Variants in MYH11 observed in about 807,000 individuals in gnomAD.
MYH11 encodes myosin heavy chain 11.
A neutral mutation model predicts 246.6 loss-of-function variants in MYH11; 80 were observed. That is an observed-to-expected ratio of 0.32 (90% CI 0.27 to 0.39). The LOEUF is 0.39. Ranked by LOEUF, MYH11 falls within the 10% of genes least tolerant of loss-of-function variation. MYH11 has a pLI of 1.00. For synonymous variants in MYH11, 1,071 were observed against 1,015.5 expected, an observed-to-expected ratio of 1.05 and a Z score of -1.04; for missense variants, 2,158 against 2,546.8, an observed-to-expected ratio of 0.85 and a Z score of 3.29.
intron 22 of MYH11, 34 bp from the exon 23 acceptor site, chr16:15,740,222 G>C: frequency 6.2e-7 from 1 of 1,613,738 alleles, no homozygotes; most frequent in Non-Finnish European, 8.5e-7. Flanking sequence ...AACAGCTTTG[G>C]TTATAACAGA....
chr16:15,812,435 G>A lies in MYH11; in HGVS notation c.502+10820C>T, dbSNP rs993495428. On this transcript the variant is annotated intron_variant, in intron 3 of 40. Transcript: ENST00000300036. ...CATCATGGGAAAAATAGCAACTTTA[G>A]GCTGGGCACGGTGGCTCATACCCAT... is the stretch of plus-strand genomic sequence containing the variant. Among the ~76,000 whole-genome samples, 6 of 151,202 alleles carry A rather than the reference G, an allele frequency of 4.0e-5. No homozygotes were observed. The Admixed American group carries it at 4.0e-4, about 10-fold the overall frequency.
At chr16:15,753,320 T>G in intron 15 of MYH11, 74 bp downstream of exon 15, 40 of 1,328,690 alleles carry the variant, frequency 3.0e-5, no homozygotes, top group Non-Finnish European at 4.3e-5. Flanking sequence ...GGGGCAGGTG[T>G]GAGAGTCGGG....
intron 27 of MYH11, among the ~76,000 whole-genome samples, chr16:15,731,269 A>G (rs548557491): frequency 2.0e-5 from 3 of 152,304 alleles, no homozygotes; most frequent in Admixed American, 2.0e-4. Flanking sequence ...ATAGGCCTTC[A>G]GTCCTGTAGA....
chr16:15,728,552 C>CTTA (rs927017856), intron 27 of MYH11, among the ~76,000 whole-genome samples: 39 of 151,944 alleles, frequency 2.6e-4, no homozygotes, highest in Non-Finnish European at 8.8e-5. Flanking sequence ...TTAAGGGAAA[C>CTTA]TTATTTTATG....
intron 10 of MYH11, among the ~76,000 whole-genome samples, chr16:15,760,897 G>T (rs1321299824): frequency 2.0e-5 from 3 of 152,126 alleles, no homozygotes; most frequent in Non-Finnish European, 4.4e-5. Context: ...CCAGTTGGGG[G>T]TTTAGGGTCA....
At chr16:15,744,998 G>T (rs1340364824) in intron 20 of MYH11, 131 bp downstream of exon 20, 2 of 744,430 alleles carry the variant, frequency 2.7e-6, no homozygotes, top group African/African-American at 1.7e-5. Context: ...AACCGCCAAT[G>T]CTCAAGGTCT....
At chr16:15,842,473 A>T (rs2044078092) in intron 1 of MYH11, among the ~76,000 whole-genome samples, 1 of 152,046 alleles carries the variant, frequency 6.6e-6, no homozygotes, top group African/African-American at 2.4e-5. Context: ...GATGAAAAAA[A>T]AGTGGCGGCT....
intron 27 of MYH11, among the ~76,000 whole-genome samples, chr16:15,728,627 C>T (rs9302518): frequency 0.072 from 10,973 of 152,100 alleles, 956 homozygotes; most frequent in African/African-American, 0.21. Context: ...GGGCCAGGCG[C>T]GGTGGCTCAG....
Position 15,771,573 on chromosome 16 carries a change from C to G in MYH11, c.1029G>C (p.Gln343His). 6.2e-7 allele frequency: 1 copy of G among 1,613,598 alleles called. No individual in the cohort carries two copies. The highest frequency in any genetic ancestry group is 8.5e-7 in the Non-Finnish European group (1 of 1,179,990). The stretch of plus-strand genomic sequence containing the variant: ...GACTCAAGGTGTGAGGCTTACATAG[C>G]TGCTCCTCCTCGCTGAAACCCATGA... ...MAIMGFSEEE[Q>H]LSILKVVSSV... Residue 343 changes from glutamine (Q) to histidine (H), a missense_variant, in exon 9 of 41, where the codon CAG becomes CAC. Gln to His is a conservative substitution (Grantham distance 24, BLOSUM62 0). Transcript: ENST00000300036.
In MYH11 at chr16:15,749,968, C is replaced by T. The variant is rs777419674; in HGVS notation, c.2058+170G>A. Reference sequence around the variant, plus strand: ...AAAGTCTCTGGATGCATCCTCCCTTCCTCCTTTTCCTCCAGGGATGGGGAA... The same window carrying T: ...AAAGTCTCTGGATGCATCCTCCCTTTCTCCTTTTCCTCCAGGGATGGGGAA... On this transcript the variant is annotated intron_variant, in intron 16 of 40. Coordinates refer to ENST00000300036, the MANE Select transcript of MYH11 (RefSeq NM_002474.3). 1.1e-5 allele frequency: 9 copies of T among 807,920 alleles called. No homozygotes were observed. The African/African-American group carries it at 1.4e-4, about 12-fold the overall frequency. 50.0% of individuals were successfully genotyped at this position (807,920 alleles called of 1,614,324 possible). A position where few individuals can be genotyped will look rare whatever the true frequency, so the allele number is the denominator to read the frequency against.
At position 15,823,326 on chromosome 16, in the gene MYH11, C is replaced by A. The variant is rs2043466367; in HGVS notation, c.431G>T (p.Gly144Val). 6.2e-7 allele frequency: 1 copy of A among 1,614,190 alleles called. No individual in the cohort carries two copies. Among genetic ancestry groups the A allele is most frequent in the African/African-American group, 1.3e-5 (1 of 75,038 alleles). ...AGGCGGCATCTCGTGCCTCTTCTTG[C>A]CCTTGTACATGTCGACGATCTTCTC... ...YSEKIVDMYK[G>V]KKRHEMPPHI... is the part of the protein sequence containing the mutation. Residue 144 changes from glycine (G) to valine (V), a missense_variant, in exon 3 of 41, where the codon GGC becomes GTC. Around this residue, in one of 11 missense-constraint regions of MYH11, gnomAD observed 34 missense variants for 25.6 expected, o/e 1.33. Transcript: ENST00000300036.
chr16:15,842,970 CT>C (rs1346397086), intron 1 of MYH11, among the ~76,000 whole-genome samples: 2 of 152,116 alleles, frequency 1.3e-5, no homozygotes, highest in Non-Finnish European at 2.9e-5. Context: ...TGTCCTGCCC[CT>C]GACTCCAGTT....
chr16:15,714,612 G>C, intron 40 of MYH11: 1 of 541,718 alleles, frequency 1.8e-6, no homozygotes, highest in East Asian at 3.2e-5. Context: ...TGAAGGAGGG[G>C]CTGGAGGAGA....
At chr16:15,851,622 TC>T (rs1216817079) in intron 1 of MYH11, among the ~76,000 whole-genome samples, 2 of 151,624 alleles carry the variant, frequency 1.3e-5, no homozygotes, top group African/African-American at 4.8e-5. Context: ...ACCATTCACA[TC>T]CCCCCACCTC....
chr16:15,808,385 A>G lies in MYH11; in HGVS notation c.503-9698T>C, dbSNP rs78598684. Reference sequence around the variant, plus strand: ...TGAGGAAACTGAGGCACAAAGTAATAGCCGGGGCAGAGCTGGGAGGTGAAC... The same window carrying G: ...TGAGGAAACTGAGGCACAAAGTAATGGCCGGGGCAGAGCTGGGAGGTGAAC... On this transcript the variant is annotated intron_variant, in intron 3 of 40. Coordinates refer to ENST00000300036, the MANE Select transcript of MYH11 (RefSeq NM_002474.3). Among the ~76,000 whole-genome samples the G allele has an allele frequency of 2.3e-3, 354 of 152,320 alleles. 1 individual carries two copies. Among genetic ancestry groups the G allele is most frequent in the African/African-American group, 8.0e-3 (333 of 41,560 alleles).
chr16:15,718,832 A>C (rs1162792715), intron 36 of MYH11: 10 of 405,846 alleles, frequency 2.5e-5, no homozygotes, highest in Non-Finnish European at 1.4e-5. Flanking sequence ...AGCAGCATTG[A>C]AATGGGGGTC....
rs750523182 is a variant in MYH11 at position 15,844,881 on chromosome 16, T to C, written c.-17-6612A>G. ...GAGAAAGCCACAGAGAACGAGAACA[T>C]TTCATAAATATAGGGCATTTTCATT... On this transcript the variant is annotated intron_variant, in intron 1 of 40. Transcript: ENST00000300036. Among the ~76,000 whole-genome samples the C allele has an allele frequency of 8.5e-5, 13 of 152,176 alleles. No individual in the cohort carries two copies. In the Middle Eastern group the frequency reaches 0.01, roughly 119 times the overall value.
intron 12 of MYH11, among the ~76,000 whole-genome samples, chr16:15,758,429 G>C (rs929220856): frequency 1.3e-5 from 2 of 152,068 alleles, no homozygotes. Flanking sequence ...CAGCACTTAG[G>C]GAGGCCAAGG....
At chr16:15,742,309 AT>A (rs2041297078) in intron 20 of MYH11, 1 of 258,390 alleles carries the variant, frequency 3.9e-6, no homozygotes, top group Non-Finnish European at 7.6e-6. Flanking sequence ...GAGAAAAAAA[AT>A]CTTTCATATC....
Sources: gnomAD v4.1 joint callset for allele counts (sites outside exome capture counted in the v4.1 genomes callset) on GRCh38, gnomAD v4.1.1 for gene constraint, gnomAD v4.1.1 regional missense constraint, MANE v1.5 for transcripts, NCBI Gene and HGNC (gene_info 2026-07-23, HGNC 2026-07-21) for gene names.